SDK1: variants seen among roughly 807,000 people sequenced by gnomAD.
The protein encoded by SDK1 is protein sidekick-1.
A neutral mutation model predicts 245.5 loss-of-function variants in SDK1; 157 were observed. The ratio of observed to expected loss-of-function variants is 0.64; its 90% CI spans 0.56 to 0.73. The LOEUF (loss-of-function observed/expected upper bound fraction) is 0.73, where lower values mean the gene tolerates loss of function less well. Ranked by LOEUF, SDK1 falls within the 30% of genes least tolerant of loss-of-function variation. The pLI, the probability that SDK1 is intolerant of heterozygous loss-of-function variation, is 0.00. For synonymous variants in SDK1, 1,647 were observed against 1,278.5 expected (o/e 1.29, Z -6.15); for missense variants, 3,583 against 3,002.3 (o/e 1.19, Z -4.52).
rs538136436 is a variant in SDK1 at position 3,879,502 on chromosome 7, C to T, written c.847+57919C>T. ...AGCACCCTGACTCCTGGACCCCACG[C>T]CCTTTTCAAGGGGCCAGGCTGTGCT... On this transcript the variant is annotated intron_variant, in intron 5 of 44. Coordinates refer to ENST00000404826, the MANE Select transcript of SDK1 (RefSeq NM_152744.4). Among the ~76,000 whole-genome samples, 4 of 152,262 alleles carry T rather than the reference C, an allele frequency of 2.6e-5. No homozygotes were observed. The East Asian group carries it at 7.7e-4, about 29-fold the overall frequency.
intron 20 of SDK1, among the ~76,000 whole-genome samples, chr7:4,073,228 C>T (rs1200587486): frequency 1.3e-5 from 2 of 152,022 alleles, no homozygotes; most frequent in African/African-American, 4.8e-5. Flanking sequence ...CTGCCTGAGC[C>T]CTCCACGCAC....
At chr7:3,403,855 ATATATATATATATAATATATATATT>A in intron 1 of SDK1, among the ~76,000 whole-genome samples, 1 of 91,684 alleles carries the variant, frequency 1.1e-5, no homozygotes, top group South Asian at 3.4e-4. Flanking sequence ...ATATATATAT[ATATATATATATATAATATATATATT>A]TATTTATATT....
intron 5 of SDK1, among the ~76,000 whole-genome samples, chr7:3,932,881 C>T (rs1171630401): frequency 1.3e-5 from 2 of 152,156 alleles, no homozygotes; most frequent in Non-Finnish European, 2.9e-5. Flanking sequence ...CTCTGTCTCA[C>T]CTGTGTGTTC....
At chr7:3,516,834 G>A (rs1782768049) in intron 1 of SDK1, among the ~76,000 whole-genome samples, 1 of 152,140 alleles carries the variant, frequency 6.6e-6, no homozygotes, top group Non-Finnish European at 1.5e-5. Context: ...ACTCACTTAA[G>A]AATTCATTAA....
chr7:4,268,496 C>T lies in SDK1; in HGVS notation c.*3112C>T. The T allele has an allele frequency of 8.4e-7, 1 of 1,188,490 alleles. No homozygotes were observed. The highest frequency in any genetic ancestry group is 1.1e-6 in the Non-Finnish European group (1 of 937,402). The allele number at this position is 1,188,490 out of a possible 1,614,324, so 73.6% of individuals were successfully genotyped here. On this transcript the variant is annotated 3_prime_UTR_variant, in exon 45 of 45. Coordinates refer to ENST00000404826, the MANE Select transcript of SDK1 (RefSeq NM_152744.4). ...ATGCTGTAGCCAAAAAACGAGGGGC[C>T]CCAGGGAGAGGGGACCCAGATGGCC...
intron 1 of SDK1, among the ~76,000 whole-genome samples, chr7:3,442,710 T>G (rs1374284995): frequency 6.6e-6 from 1 of 152,220 alleles, no homozygotes; most frequent in African/African-American, 2.4e-5. Flanking sequence ...TGTACAAGTT[T>G]AGTGCACTTG....
chr7:3,490,059 C>A (rs1010858941), intron 1 of SDK1, among the ~76,000 whole-genome samples: 4 of 152,156 alleles, frequency 2.6e-5, no homozygotes, highest in African/African-American at 9.7e-5. Flanking sequence ...CTGTCACTTG[C>A]TTTCAAGCTG....
intron 1 of SDK1, among the ~76,000 whole-genome samples, chr7:3,558,625 A>T (rs944262775): frequency 6.6e-6 from 1 of 152,204 alleles, no homozygotes; most frequent in East Asian, 1.9e-4. Flanking sequence ...CAGAGGGGCA[A>T]TGCAGACACA....
At chr7:3,968,892 T>C (rs1782273594) in intron 10 of SDK1, among the ~76,000 whole-genome samples, 1 of 152,214 alleles carries the variant, frequency 6.6e-6, no homozygotes, top group Admixed American at 6.5e-5. Flanking sequence ...GAGGTTGAAT[T>C]GACTCACAGT....
chr7:3,543,616 A>G (rs1181506290), intron 1 of SDK1, among the ~76,000 whole-genome samples: 1 of 152,194 alleles, frequency 6.6e-6, no homozygotes, highest in Admixed American at 6.5e-5. Flanking sequence ...TCTGAGAAAA[A>G]AAGTTTGGAA....
rs543073283 is a variant in SDK1 at position 3,689,369 on chromosome 7, A to G, written c.713+47264A>G. Among the ~76,000 whole-genome samples the G allele has an allele frequency of 2.0e-4, 31 of 152,228 alleles. 1 individual carries two copies. The highest frequency in any genetic ancestry group is 7.2e-4 in the African/African-American group (30 of 41,550). Reference sequence around the variant, plus strand: ...GCAGTTGTTTCTAAGTCTAGTGCTTATAGGTGTAGCTACCATCCTGCCGTT... The same window carrying G: ...GCAGTTGTTTCTAAGTCTAGTGCTTGTAGGTGTAGCTACCATCCTGCCGTT... On this transcript the variant is annotated intron_variant, in intron 4 of 44. Transcript: ENST00000404826.
chr7:3,591,886 C>T (rs13240514), intron 1 of SDK1, among the ~76,000 whole-genome samples: 1 of 152,132 alleles, frequency 6.6e-6, no homozygotes, highest in African/African-American at 2.4e-5. Context: ...ATACAGGGAA[C>T]CTGGGGTGGT....
rs370473830 is a variant in SDK1 at position 3,352,714 on chromosome 7, A to G, written c.298+50830A>G. On this transcript the variant is annotated intron_variant, in intron 1 of 44. Coordinates refer to ENST00000404826, the MANE Select transcript of SDK1 (RefSeq NM_152744.4). ...TCCATTCCTGAAGGAAAAAGAGAAG[A>G]GATTTTTCTTTTTTTTTCAGATTAT... is the stretch of plus-strand genomic sequence containing the variant. 1.3e-4 allele frequency among the ~76,000 whole-genome samples: 20 copies of G among 152,052 alleles called. No homozygotes were observed. The East Asian group carries it at 1.3e-3, about 10-fold the overall frequency.
chr7:3,771,707 A>G (rs1780409417), intron 4 of SDK1, among the ~76,000 whole-genome samples: 1 of 152,170 alleles, frequency 6.6e-6, no homozygotes, highest in African/African-American at 2.4e-5. Flanking sequence ...TGTCCTTTTA[A>G]AAGTATGTAG....
chr7:3,853,743 C>T (rs1440107624), intron 5 of SDK1, among the ~76,000 whole-genome samples: 1 of 152,102 alleles, frequency 6.6e-6, no homozygotes, highest in Admixed American at 6.5e-5. Flanking sequence ...GTAATCCCAG[C>T]ACTCTGGGAG....
chr7:4,074,915 TA>T (rs371947583), intron 20 of SDK1, among the ~76,000 whole-genome samples: 2,272 of 75,050 alleles, frequency 0.03, 29 homozygotes, highest in Non-Finnish European at 0.036. Flanking sequence ...TATATATATA[TA>T]TTTTTTTTTT....
chr7:3,604,646 A>G (rs886336164), intron 1 of SDK1, among the ~76,000 whole-genome samples: 1 of 129,488 alleles, frequency 7.7e-6, no homozygotes, highest in African/African-American at 3.0e-5. Flanking sequence ...CTTGTTGCCC[A>G]GGCTGGAGTG....
chr7:3,555,582 T>A (rs766974054), intron 1 of SDK1, among the ~76,000 whole-genome samples: 1 of 152,158 alleles, frequency 6.6e-6, no homozygotes, highest in Non-Finnish European at 1.5e-5. Flanking sequence ...TGAGATCACA[T>A]GAAGTTAAAA....
intron 4 of SDK1, 141 bp from the exon 5 acceptor site, chr7:3,821,309 C>T (rs1222161815): frequency 2.6e-5 from 23 of 881,992 alleles, no homozygotes; most frequent in Admixed American, 5.9e-5. Flanking sequence ...TTCTTAAAGT[C>T]GGCCTGTGTA....
Sources: gnomAD v4.1 joint callset for allele counts (sites outside exome capture counted in the v4.1 genomes callset) on GRCh38, gnomAD v4.1.1 for gene constraint, MANE v1.5 for transcripts, NCBI Gene and HGNC (gene_info 2026-07-23, HGNC 2026-07-21) for gene names.